The following BMPR1B variants were observed in gnomAD, a reference collection of about 807,000 sequenced individuals.
BMPR1B encodes bone morphogenetic protein receptor type 1B.
BMPR1B carries 12 observed loss-of-function variants against 59.1 expected under a neutral mutation model. The ratio of observed to expected loss-of-function variants is 0.20; its 90% CI spans 0.13 to 0.33. The LOEUF is 0.33. BMPR1B is among the 10% of genes least tolerant of loss of function. BMPR1B has a pLI of 1.00. For missense variants in BMPR1B, 550 were observed against 610.9 expected (o/e 0.90, Z 1.05); for synonymous variants, 237 against 207.3 (o/e 1.14, Z -1.23).
chr4:94,820,747 T>C (rs1724178318), intron 1 of BMPR1B, among the ~76,000 whole-genome samples: 2 of 152,220 alleles, frequency 1.3e-5, no homozygotes, highest in Non-Finnish European at 2.9e-5. Context: ...CACAAAATCA[T>C]GTAGACACTT....
intron 6 of BMPR1B, among the ~76,000 whole-genome samples, chr4:95,120,034 G>T (rs998263217): frequency 6.6e-6 from 1 of 152,042 alleles, no homozygotes; most frequent in African/African-American, 2.4e-5. Flanking sequence ...CCTCACCCCC[G>T]TTAATCCACA....
chr4:94,837,141 A>G (rs1007747034), intron 1 of BMPR1B, among the ~76,000 whole-genome samples: 1 of 145,738 alleles, frequency 6.9e-6, no homozygotes, highest in African/African-American at 2.6e-5. Context: ...TACCAGTACC[A>G]TGCTGTTTTG....
chr4:94,837,939 AC>A (rs1308735368), intron 1 of BMPR1B, among the ~76,000 whole-genome samples: 1 of 128,312 alleles, frequency 7.8e-6, no homozygotes, highest in Non-Finnish European at 1.7e-5. Context: ...TCCCATCAAT[AC>A]CTAATTTGTT....
chr4:94,896,763 C>T (rs1727603890), intron 2 of BMPR1B, among the ~76,000 whole-genome samples: 1 of 151,838 alleles, frequency 6.6e-6, no homozygotes, highest in Admixed American at 6.6e-5. Flanking sequence ...ATTATTGGCT[C>T]TTAGAATATG....
At chr4:95,065,826 T>C (rs1227927497) in intron 3 of BMPR1B, among the ~76,000 whole-genome samples, 1 of 152,168 alleles carries the variant, frequency 6.6e-6, no homozygotes, top group Non-Finnish European at 1.5e-5. Context: ...GTTTGCTTTC[T>C]TCAATATCAA....
intron 4 of BMPR1B, among the ~76,000 whole-genome samples, chr4:95,108,082 A>T (rs76865788): frequency 0.027 from 4,099 of 152,212 alleles, 185 homozygotes; most frequent in African/African-American, 0.09. Context: ...TAATAAAAAA[A>T]TTCTTAGAAA....
chr4:94,907,701 T>C (rs1560541539), intron 2 of BMPR1B, among the ~76,000 whole-genome samples: 1 of 152,032 alleles, frequency 6.6e-6, no homozygotes, highest in Non-Finnish European at 1.5e-5. Flanking sequence ...TGTAAAAATA[T>C]TCCTATTTGT....
intron 1 of BMPR1B, among the ~76,000 whole-genome samples, chr4:94,866,265 A>C (rs1402679560): frequency 6.6e-6 from 1 of 152,180 alleles, no homozygotes; most frequent in Non-Finnish European, 1.5e-5. Flanking sequence ...GACCAAGGAA[A>C]TAGAGGTCAT....
intron 3 of BMPR1B, among the ~76,000 whole-genome samples, chr4:95,055,304 G>T (rs944507789): frequency 6.6e-6 from 1 of 152,026 alleles, no homozygotes; most frequent in Non-Finnish European, 1.5e-5. Flanking sequence ...AGTATAATCA[G>T]GGCAAATAGG....
intron 2 of BMPR1B, among the ~76,000 whole-genome samples, chr4:94,884,118 C>T (rs1727081088): frequency 6.6e-6 from 1 of 152,170 alleles, no homozygotes; most frequent in African/African-American, 2.4e-5. Flanking sequence ...GAGTGGTCTT[C>T]CAAGGTTTCA....
At chr4:94,967,840 C>A (rs1730611736) in intron 2 of BMPR1B, among the ~76,000 whole-genome samples, 1 of 151,628 alleles carries the variant, frequency 6.6e-6, no homozygotes, top group South Asian at 2.1e-4. Context: ...GATTTTTTTT[C>A]TTCACTTAAT....
rs74645391 is a variant in BMPR1B, at chr4:95,156,319, T to G, written c.*1646T>G. 2.5e-5 allele frequency: 3 copies of G among 119,538 alleles called. No individual in the cohort carries two copies. Among genetic ancestry groups the G allele is most frequent in the Admixed American group, 7.9e-5 (1 of 12,656 alleles). 7.4% of individuals were successfully genotyped at this position (119,538 alleles called of 1,614,324 possible). ...ATTTGAAAGTACTTTCTCCTTGCTG[T>G]TTTTTTTTTTTTTTAAGACATTCCT... On this transcript the variant is annotated 3_prime_UTR_variant, in exon 13 of 13. Coordinates refer to ENST00000515059, the MANE Select transcript of BMPR1B (RefSeq NM_001203.3).
chr4:94,980,898 G>A (rs1047266871), intron 2 of BMPR1B, among the ~76,000 whole-genome samples: 4 of 152,170 alleles, frequency 2.6e-5, no homozygotes, highest in African/African-American at 4.8e-5. Context: ...AGGAGGCTGA[G>A]GCAGGAGAAT....
intron 3 of BMPR1B, among the ~76,000 whole-genome samples, chr4:95,094,327 C>T (rs529773065): frequency 6.6e-6 from 1 of 151,496 alleles, no homozygotes; most frequent in South Asian, 2.1e-4. Flanking sequence ...TCTTTGCTCA[C>T]CGTGATTAAT....
chr4:94,926,611 A>G (rs565314703), intron 2 of BMPR1B, among the ~76,000 whole-genome samples: 2 of 152,224 alleles, frequency 1.3e-5, no homozygotes, highest in East Asian at 3.9e-4. Flanking sequence ...TCAGCAGTGC[A>G]TGCTGAGTTT....
chr4:94,910,867 G>A (rs992894964), intron 2 of BMPR1B, among the ~76,000 whole-genome samples: 1 of 152,036 alleles, frequency 6.6e-6, no homozygotes, highest in Non-Finnish European at 1.5e-5. Context: ...AGCTGTGATG[G>A]TGCCACTGAA....
chr4:94,986,501 C>T (rs1721415182), intron 2 of BMPR1B, among the ~76,000 whole-genome samples: 1 of 152,104 alleles, frequency 6.6e-6, no homozygotes, highest in African/African-American at 2.4e-5. Context: ...TGACAATGTT[C>T]AGATCTACCA....
intron 1 of BMPR1B, among the ~76,000 whole-genome samples, chr4:94,816,911 A>G (rs144465324): frequency 5.3e-5 from 8 of 152,172 alleles, no homozygotes; most frequent in Non-Finnish European, 1.0e-4. Context: ...CCCAAAATTC[A>G]TGTGTTCAAA....
chr4:94,821,685 G>A (rs147001415), intron 1 of BMPR1B, among the ~76,000 whole-genome samples: 111 of 152,232 alleles, frequency 7.3e-4, no homozygotes, highest in African/African-American at 2.2e-3. Flanking sequence ...GGAGATATGG[G>A]AGCGAATGAG....
Sources: allele counts gnomAD v4.1 joint callset (sites outside exome capture counted in the v4.1 genomes callset), GRCh38; gene constraint gnomAD v4.1.1; transcripts MANE v1.5; gene names NCBI Gene and HGNC (gene_info 2026-07-23, HGNC 2026-07-21).